The following HSD17B2 variants were observed in gnomAD, a reference collection of about 807,000 sequenced individuals.
The protein encoded by HSD17B2 is hydroxysteroid 17-beta dehydrogenase 2.
HSD17B2 carries 32 observed loss-of-function variants against 26.9 expected under a neutral mutation model. The observed-to-expected ratio is 1.19, with a 90% confidence interval of 0.90 to 1.60. HSD17B2 has a LOEUF of 1.60. Among genes scored for constraint, HSD17B2 ranks in the 40% most tolerant of loss-of-function variants. The pLI is 0.00. For missense variants in HSD17B2, 613 were observed against 468.6 expected (o/e 1.31, Z -2.85); for synonymous variants, 246 against 186.7 (o/e 1.32, Z -2.59).
At chr16:82,081,400 C>G (rs1597136224) in intron 3 of HSD17B2, among the ~76,000 whole-genome samples, 1 of 152,230 alleles carries the variant, frequency 6.6e-6, no homozygotes, top group East Asian at 1.9e-4. Flanking sequence ...CATTCTACCC[C>G]AGGCTATGCT....
At chr16:82,095,110 G>A (rs72563799) in intron 4 of HSD17B2, 1 of 152,156 alleles carries the variant, frequency 6.6e-6, no homozygotes. Flanking sequence ...ACTCTGGATA[G>A]GTTACCCACA....
intron 4 of HSD17B2, chr16:82,095,645 C>G (rs543082563): frequency 1.3e-5 from 2 of 152,286 alleles, no homozygotes; most frequent in African/African-American, 4.8e-5. Context: ...GCAGCAGTGC[C>G]TGAAATGCTG....
At chr16:82,075,861 C>A (rs1295530513) in intron 3 of HSD17B2, among the ~76,000 whole-genome samples, 2 of 150,500 alleles carry the variant, frequency 1.3e-5, no homozygotes, top group African/African-American at 2.4e-5. Context: ...CCAAACTCAT[C>A]CTATGAGCCC....
At chr16:82,096,039 T>A (rs1904829034) in intron 4 of HSD17B2, 1 of 152,150 alleles carries the variant, frequency 6.6e-6, no homozygotes, top group South Asian at 2.1e-4. Flanking sequence ...AGTAAATAAA[T>A]TATTTAATTT....
At chr16:82,090,814 T>C (rs1274315771) in intron 3 of HSD17B2, 88 bp from the exon 4 acceptor site, 1 of 1,284,936 alleles carries the variant, frequency 7.8e-7, no homozygotes. Flanking sequence ...TACCAGTTCC[T>C]ACATACAGTA....
intron 3 of HSD17B2, among the ~76,000 whole-genome samples, chr16:82,075,371 T>C (rs1904295396): frequency 6.6e-6 from 1 of 151,744 alleles, no homozygotes; most frequent in Admixed American, 6.6e-5. Flanking sequence ...ATAAATAAAA[T>C]TGAAAAGAAG....
intron 1 of HSD17B2, among the ~76,000 whole-genome samples, chr16:82,038,792 G>C (rs1054005745): frequency 2.6e-5 from 4 of 152,184 alleles, no homozygotes; most frequent in African/African-American, 9.7e-5. Context: ...AGCCAGGTAA[G>C]GGTGAGACAT....
At chr16:82,069,183 C>G (rs552845783) in intron 2 of HSD17B2, among the ~76,000 whole-genome samples, 22 of 152,288 alleles carry the variant, frequency 1.4e-4, no homozygotes, top group African/African-American at 5.3e-4. Flanking sequence ...TCTGTTCCTG[C>G]TTTAGTTTGC....
At chr16:82,071,388 G>T (rs981881874) in intron 3 of HSD17B2, 14 of 516,578 alleles carry the variant, frequency 2.7e-5, no homozygotes, top group Non-Finnish European at 4.6e-5. Context: ...TTTATAATGT[G>T]ACTGCCAACA....
chr16:82,097,276 G>GTGTGTGTATATATATATACACATATA (rs1904872539), intron 4 of HSD17B2: 1 of 124,520 alleles, frequency 8.0e-6, no homozygotes, highest in African/African-American at 2.7e-5. Context: ...CTATGTGTGT[G>GTGTGTGTATATATATATACACATATA]TATGTGTGTG....
intron 3 of HSD17B2, among the ~76,000 whole-genome samples, chr16:82,073,098 T>A (rs550357526): frequency 3.3e-5 from 5 of 152,280 alleles, no homozygotes; most frequent in African/African-American, 1.2e-4. Context: ...ACCTTCCACA[T>A]ATCTTCAACT....
intron 1 of HSD17B2, among the ~76,000 whole-genome samples, chr16:82,058,402 G>A (rs1914336881): frequency 6.6e-6 from 1 of 152,104 alleles, no homozygotes; most frequent in African/African-American, 2.4e-5. Flanking sequence ...AACTGTATGC[G>A]AAGTATTTGG....
chr16:82,043,400 G>A (rs117961488), intron 1 of HSD17B2, among the ~76,000 whole-genome samples: 2,723 of 144,850 alleles, frequency 0.019, 85 homozygotes, highest in Middle Eastern at 0.048. Context: ...AAATCATATA[G>A]ATGGCCGGGC....
chr16:82,092,891 T>G (rs1327968094), intron 4 of HSD17B2: 2 of 152,076 alleles, frequency 1.3e-5, no homozygotes, highest in Non-Finnish European at 2.9e-5. Flanking sequence ...GAGGATTGAG[T>G]GTTTGGTGAC....
intron 4 of HSD17B2, chr16:82,093,981 G>A (rs1440992419): frequency 6.6e-6 from 1 of 152,182 alleles, no homozygotes; most frequent in African/African-American, 2.4e-5. Flanking sequence ...GTGTCTTTTA[G>A]CATGCTAATG....
intron 1 of HSD17B2, among the ~76,000 whole-genome samples, chr16:82,062,098 C>T (rs182625573): frequency 1.8e-3 from 269 of 152,336 alleles, no homozygotes; most frequent in African/African-American, 6.1e-3. Context: ...AGCATAAATA[C>T]ACTTTGCAAC....
chr16:82,085,182 C>T (rs1222614006), intron 3 of HSD17B2, among the ~76,000 whole-genome samples: 1 of 152,176 alleles, frequency 6.6e-6, no homozygotes, highest in African/African-American at 2.4e-5. Context: ...CTTTTCCTTG[C>T]TGAGCCAGCT....
At chr16:82,039,330 TGAGAGA>T (rs34511068) in intron 1 of HSD17B2, among the ~76,000 whole-genome samples, 26 of 143,358 alleles carry the variant, frequency 1.8e-4, no homozygotes, top group Non-Finnish European at 2.6e-4. Context: ...AGTTAGCAGA[TGAGAGA>T]GAGAGAGAGA....
chr16:82,043,754 A>C (rs1387082144), intron 1 of HSD17B2, among the ~76,000 whole-genome samples: 2 of 150,582 alleles, frequency 1.3e-5, no homozygotes, highest in East Asian at 3.9e-4. Flanking sequence ...ACCATTTCCC[A>C]ACACCTGAAC....
Sources: gnomAD v4.1 joint callset for allele counts (sites outside exome capture counted in the v4.1 genomes callset) on GRCh38, gnomAD v4.1.1 for gene constraint, MANE v1.5 for transcripts, NCBI Gene and HGNC (gene_info 2026-07-23, HGNC 2026-07-21) for gene names.